Variants in ITCH observed in about 807,000 individuals in gnomAD.
The protein encoded by ITCH is itchy E3 ubiquitin protein ligase.
A neutral mutation model predicts 126.8 loss-of-function variants in ITCH; 28 were observed. That is an observed-to-expected ratio of 0.22 (90% CI 0.16 to 0.30). The LOEUF is 0.30. ITCH is among the 10% of genes least tolerant of loss of function. The pLI, the probability that ITCH is intolerant of heterozygous loss-of-function variation, is 1.00. For synonymous variants in ITCH, 342 were observed against 340.0 expected, an observed-to-expected ratio of 1.01 and a Z score of -0.06; for missense variants, 631 against 1,032.4, an observed-to-expected ratio of 0.61 and a Z score of 5.33.
chr20:34,471,543 C>T (rs776665146), intron 16 of ITCH, 28 bp downstream of exon 16: 2 of 1,400,046 alleles, frequency 1.4e-6, no homozygotes, highest in African/African-American at 1.4e-5. Flanking sequence ...CAATAATTTC[C>T]CCCCTGGCTG....
In ITCH at chr20:34,481,014, A is replaced by G. The variant is rs368041388; in HGVS notation, c.1953-52A>G. The stretch of plus-strand genomic sequence containing the variant: ...TGGGCCTTTCGTTAAAAACTTATAA[A>G]TTATGATTGAATTGGTGGATATAAC... On this transcript the variant is annotated intron_variant, in intron 19 of 24. Transcript: ENST00000374864. 19 of 1,580,330 alleles carry G rather than the reference A, an allele frequency of 1.2e-5. No homozygotes were observed. In the African/African-American group the frequency reaches 2.6e-4, roughly 21 times the overall value.
chr20:34,495,491 T>C (rs1264434217), intron 23 of ITCH, among the ~76,000 whole-genome samples: 1 of 151,982 alleles, frequency 6.6e-6, no homozygotes, highest in Non-Finnish European at 1.5e-5. Flanking sequence ...CACTTTGTAC[T>C]TCTATGAGAT....
At chr20:34,496,177 A>G (rs1039126879) in intron 23 of ITCH, among the ~76,000 whole-genome samples, 4 of 152,166 alleles carry the variant, frequency 2.6e-5, no homozygotes, top group African/African-American at 7.2e-5. Flanking sequence ...TGTAACAGTT[A>G]TTCTAACTGA....
At chr20:34,371,224 T>C (rs2037616028) in intron 2 of ITCH, among the ~76,000 whole-genome samples, 1 of 148,636 alleles carries the variant, frequency 6.7e-6, no homozygotes, top group African/African-American at 2.5e-5. Context: ...AACTAAAATA[T>C]GATCCAGCAT....
At chr20:34,496,502 T>C (rs1226000116) in intron 23 of ITCH, among the ~76,000 whole-genome samples, 1 of 152,134 alleles carries the variant, frequency 6.6e-6, no homozygotes, top group East Asian at 1.9e-4. Flanking sequence ...TTTTATGTCC[T>C]CTTTATAAAA....
At chr20:34,467,784 C>T (rs1436023005) in intron 14 of ITCH, among the ~76,000 whole-genome samples, 1 of 144,454 alleles carries the variant, frequency 6.9e-6, no homozygotes, top group Non-Finnish European at 1.5e-5. Flanking sequence ...CTCCCTGGTT[C>T]AAGCAATTCT....
At chr20:34,428,990 T>G (rs1981928052) in intron 7 of ITCH, among the ~76,000 whole-genome samples, 1 of 152,286 alleles carries the variant, frequency 6.6e-6, no homozygotes, top group Non-Finnish European at 1.5e-5. Flanking sequence ...CAGGCTGGAG[T>G]GCAGTGGCGT....
chr20:34,401,352 T>C (rs2038878705), intron 3 of ITCH, among the ~76,000 whole-genome samples: 3 of 152,136 alleles, frequency 2.0e-5, no homozygotes, highest in Non-Finnish European at 4.4e-5. Context: ...GTTTCAAAGG[T>C]GCAGTACTTT....
chr20:34,479,829 A>G (rs1988561950), intron 18 of ITCH, 40 bp downstream of exon 18: 1 of 1,576,100 alleles, frequency 6.3e-7, no homozygotes, highest in South Asian at 1.1e-5. Context: ...TTGCTTATTC[A>G]GCAATACTAA....
Position 34,509,574 on chromosome 20 carries a change from T to G in ITCH, c.*1780T>G, listed in dbSNP as rs899904566. 1.3e-5 allele frequency: 2 copies of G among 152,594 alleles called. No homozygotes were observed. Among genetic ancestry groups the G allele is most frequent in the African/African-American group, 4.8e-5 (2 of 41,426 alleles). The allele number at this position is 152,594 out of a possible 1,614,324, so 9.5% of individuals were successfully genotyped here. A position where few individuals can be genotyped will look rare whatever the true frequency, so the allele number is the denominator to read the frequency against. On this transcript the variant is annotated 3_prime_UTR_variant, in exon 25 of 25. Coordinates refer to ENST00000374864, the MANE Select transcript of ITCH (RefSeq NM_031483.7). Reference sequence around the variant, plus strand: ...AGGGTTGCCTCATCAAGCAGCTCAGTGTAAATGGGGAGGCTAGGCTCTCCC... The same window carrying G: ...AGGGTTGCCTCATCAAGCAGCTCAGGGTAAATGGGGAGGCTAGGCTCTCCC...
At chr20:34,381,941 T>G (rs970931609) in intron 2 of ITCH, among the ~76,000 whole-genome samples, 14 of 152,190 alleles carry the variant, frequency 9.2e-5, no homozygotes, top group African/African-American at 3.4e-4. Context: ...AATAACGTGT[T>G]TGGTGTCATA....
chr20:34,495,624 T>A (rs1232391415), intron 23 of ITCH, among the ~76,000 whole-genome samples: 1 of 152,132 alleles, frequency 6.6e-6, no homozygotes, highest in Non-Finnish European at 1.5e-5. Context: ...TTTGCTTTTT[T>A]AAAAAATGTC....
At chr20:34,437,144 AAG>A (rs1983114529) in intron 7 of ITCH, among the ~76,000 whole-genome samples, 1 of 152,112 alleles carries the variant, frequency 6.6e-6, no homozygotes, top group African/African-American at 2.4e-5. Context: ...AAAAAGGAAA[AAG>A]AAAAAAACTA....
At chr20:34,398,908 C>T (rs546633899) in intron 3 of ITCH, among the ~76,000 whole-genome samples, 9 of 152,134 alleles carry the variant, frequency 5.9e-5, no homozygotes, top group African/African-American at 1.9e-4. Flanking sequence ...GAATCAAATG[C>T]CCTTCATAAT....
chr20:34,374,732 ATT>A (rs200015917), intron 2 of ITCH, among the ~76,000 whole-genome samples: 22 of 139,934 alleles, frequency 1.6e-4, no homozygotes, highest in Non-Finnish European at 1.4e-4. Flanking sequence ...TTGGCTTACA[ATT>A]TTTTTTTTTT....
At chr20:34,445,141 TTTCTC>T (rs1984278314) in intron 10 of ITCH, 141 bp from the exon 11 acceptor site, 3 of 918,406 alleles carry the variant, frequency 3.3e-6, no homozygotes, top group Non-Finnish European at 4.8e-6. Context: ...TTTAGAAACA[TTTCTC>T]TTAAGTTCAC....
chr20:34,438,448 C>A (rs376422576), intron 7 of ITCH, 26 bp from the exon 8 acceptor site: 2 of 1,612,556 alleles, frequency 1.2e-6, no homozygotes, highest in Admixed American at 1.7e-5. Context: ...CCCTCTCCCC[C>A]TTCCTTTTCC....
chr20:34,471,538 A>G, intron 16 of ITCH, 23 bp downstream of exon 16: 1 of 1,445,856 alleles, frequency 6.9e-7, no homozygotes, highest in Non-Finnish European at 9.7e-7. Flanking sequence ...TCTCTCAATA[A>G]TTTCCCCCCT....
intron 6 of ITCH, 52 bp from the exon 7 acceptor site, chr20:34,424,428 A>T (rs190665348): frequency 7.0e-7 from 1 of 1,433,208 alleles, no homozygotes. Context: ...AAGAAAAAAC[A>T]TGAAAACTAC....
Sources: allele counts gnomAD v4.1 joint callset (sites outside exome capture counted in the v4.1 genomes callset), GRCh38; gene constraint gnomAD v4.1.1; transcripts MANE v1.5; gene names NCBI Gene and HGNC (gene_info 2026-07-23, HGNC 2026-07-21).